Variants in TENM3 observed in about 807,000 individuals in gnomAD.
TENM3 encodes teneurin-3.
In TENM3, 63 loss-of-function variants were observed where a neutral mutation model predicts 255.1. The observed-to-expected ratio is 0.25, with a 90% confidence interval of 0.20 to 0.30. The LOEUF (loss-of-function observed/expected upper bound fraction) is 0.30. Ranked by LOEUF, TENM3 falls within the 10% of genes least tolerant of loss-of-function variation. The pLI, the probability that TENM3 is intolerant of heterozygous loss-of-function variation, is 1.00. For synonymous variants in TENM3, 1,306 were observed against 1,322.3 expected (o/e 0.99, Z 0.27); for missense variants, 2,929 against 3,461.1 (o/e 0.85, Z 3.86).
At chr4:181,784,825 C>T in the TENM3 span, among the ~76,000 whole-genome samples, 5 of 152,034 alleles carry the variant, frequency 3.3e-5, no homozygotes, top group Admixed American at 2.0e-4. Flanking sequence ...GTTTATTCAA[C>T]GAACACTTAC....
chr4:181,601,138 G>A, the TENM3 span, among the ~76,000 whole-genome samples: 1 of 152,118 alleles, frequency 6.6e-6, no homozygotes, highest in Non-Finnish European at 1.5e-5. Flanking sequence ...GTTTTCTATG[G>A]CTGCTGTAAC....
At position 182,327,493 on chromosome 4, in the gene TENM3, T is replaced by C. The variant is rs528278001; in HGVS notation, c.232+3241T>C. Among the ~76,000 whole-genome samples the C allele has an allele frequency of 2.6e-4, 35 of 136,258 alleles. 1 individual carries two copies. In the South Asian group the frequency reaches 8.3e-3, roughly 32 times the overall value. 89.4% of individuals were successfully genotyped at this position (136,258 alleles called of 152,430 possible). Reference sequence around the variant, plus strand: ...TTTTTATATTTTTAATTGACCAATTTTATGTCTAATTATCAAACTTGAATT... The same window carrying C: ...TTTTTATATTTTTAATTGACCAATTCTATGTCTAATTATCAAACTTGAATT... On this transcript the variant is annotated intron_variant, in intron 2 of 27. Transcript: ENST00000511685.
intron 22 of TENM3, among the ~76,000 whole-genome samples, chr4:182,758,416 CTG>C (rs1317935486): frequency 6.6e-6 from 1 of 152,162 alleles, no homozygotes; most frequent in East Asian, 1.9e-4. Context: ...CACGTATTGT[CTG>C]TGTAAGTTTG....
chr4:181,654,207 C>A, the TENM3 span, among the ~76,000 whole-genome samples: 1 of 150,698 alleles, frequency 6.6e-6, no homozygotes, highest in South Asian at 2.1e-4. Context: ...ATAAACCTTC[C>A]TCTGATTCTC....
the TENM3 span, among the ~76,000 whole-genome samples, chr4:181,809,226 T>A: frequency 5.9e-5 from 9 of 152,188 alleles, no homozygotes; most frequent in Non-Finnish European, 1.2e-4. Flanking sequence ...AAAGTGAGCA[T>A]TTCTGTGGGG....
the TENM3 span, among the ~76,000 whole-genome samples, chr4:181,765,126 A>G: frequency 6.6e-6 from 1 of 152,200 alleles, no homozygotes; most frequent in African/African-American, 2.4e-5. Context: ...ACACTATTTG[A>G]TTCAGAAAGA....
chr4:182,397,808 A>T (rs1768949986), intron 3 of TENM3, among the ~76,000 whole-genome samples: 1 of 152,118 alleles, frequency 6.6e-6, no homozygotes, highest in Non-Finnish European at 1.5e-5. Context: ...TGACTTGCGA[A>T]GTTGCTGATG....
the TENM3 span, among the ~76,000 whole-genome samples, chr4:181,646,778 T>G: frequency 6.6e-6 from 1 of 152,154 alleles, no homozygotes; most frequent in Non-Finnish European, 1.5e-5. Context: ...GGGTACAATA[T>G]AAGCAGAATC....
At chr4:182,679,913 T>C in intron 8 of TENM3, 37 bp downstream of exon 8, 1 of 1,530,832 alleles carries the variant, frequency 6.5e-7, no homozygotes, top group South Asian at 1.2e-5. Context: ...TTCCAGGCTA[T>C]AGCCTAAACG....
At chr4:181,456,052 A>G in the TENM3 span, among the ~76,000 whole-genome samples, 616 of 151,718 alleles carry the variant, frequency 4.1e-3, no homozygotes, top group African/African-American at 0.013. Context: ...CAACTTTAAC[A>G]TTGTAAAAAT....
intron 13 of TENM3, among the ~76,000 whole-genome samples, chr4:182,716,173 CTTTCTCCT>C (rs1452618829): frequency 6.6e-6 from 1 of 152,148 alleles, no homozygotes; most frequent in Non-Finnish European, 1.5e-5. Flanking sequence ...GAGAGCTTCT[CTTTCTCCT>C]TGATCATATA....
the TENM3 span, among the ~76,000 whole-genome samples, chr4:181,794,666 C>CTGTGTGTGTGTG: frequency 0.041 from 5,835 of 142,886 alleles, 140 homozygotes; most frequent in South Asian, 0.088. Context: ...AATAATATCC[C>CTGTGTGTGTGTG]TGTGTGTGTG....
At chr4:181,525,358 C>T in the TENM3 span, among the ~76,000 whole-genome samples, 3 of 142,452 alleles carry the variant, frequency 2.1e-5, no homozygotes, top group African/African-American at 7.9e-5. Context: ...GATCACGCCA[C>T]TACACTCCAG....
chr4:181,730,222 G>A, the TENM3 span, among the ~76,000 whole-genome samples: 1 of 152,166 alleles, frequency 6.6e-6, no homozygotes, highest in African/African-American at 2.4e-5. Context: ...CAGGGTTTTC[G>A]CATTAAAATG....
chr4:182,178,809 T>C (rs1752674977), intron 1 of TENM3, among the ~76,000 whole-genome samples: 1 of 152,190 alleles, frequency 6.6e-6, no homozygotes, highest in Non-Finnish European at 1.5e-5. Context: ...TCTAAAGTGT[T>C]TTCTAGTTAA....
chr4:181,863,954 GCAACCAAA>G, the TENM3 span, among the ~76,000 whole-genome samples: 1 of 152,088 alleles, frequency 6.6e-6, no homozygotes, highest in Non-Finnish European at 1.5e-5. Context: ...ATGTCAGTTT[GCAACCAAA>G]ACAGCCGTAA....
At chr4:182,591,584 G>C (rs546561148) in intron 3 of TENM3, among the ~76,000 whole-genome samples, 9 of 152,244 alleles carry the variant, frequency 5.9e-5, no homozygotes, top group Admixed American at 5.2e-4. Flanking sequence ...TGATTTACAG[G>C]CAACTATCTG....
At chr4:182,651,016 TC>T (rs956009674) in intron 5 of TENM3, among the ~76,000 whole-genome samples, 1 of 151,670 alleles carries the variant, frequency 6.6e-6, no homozygotes, top group Non-Finnish European at 1.5e-5. Context: ...CTGCGCATGA[TC>T]CCATGGATTA....
chr4:181,807,272 T>C, the TENM3 span, among the ~76,000 whole-genome samples: 72 of 152,338 alleles, frequency 4.7e-4, 1 homozygote, highest in East Asian at 0.013. Flanking sequence ...TCCATAAATA[T>C]GGATAAGTAA....
Sources: allele counts gnomAD v4.1 joint callset (sites outside exome capture counted in the v4.1 genomes callset), GRCh38; gene constraint gnomAD v4.1.1; transcripts MANE v1.5; gene names NCBI Gene and HGNC (gene_info 2026-07-23, HGNC 2026-07-21).